Variants in XPNPEP3 observed in about 807,000 individuals in gnomAD.
The protein encoded by XPNPEP3 is X-prolyl aminopeptidase 3.
Under a neutral mutation model 60.0 loss-of-function variants are expected in XPNPEP3, and 41 were observed. The ratio of observed to expected loss-of-function variants is 0.68; its 90% CI spans 0.53 to 0.89. XPNPEP3 has a LOEUF of 0.89. Among genes scored for constraint, XPNPEP3 ranks in the 40% least tolerant of loss-of-function variants. The pLI is 0.00. For missense variants in XPNPEP3, 598 were observed against 638.9 expected (o/e 0.94, Z 0.69); for synonymous variants, 212 against 223.2 (o/e 0.95, Z 0.45).
At chr22:40,863,323 C>T (rs1311346897) in intron 1 of XPNPEP3, among the ~76,000 whole-genome samples, 1 of 152,146 alleles carries the variant, frequency 6.6e-6, no homozygotes, top group South Asian at 2.1e-4. Flanking sequence ...AGTCTAGACC[C>T]GAATTTAAAG....
rs71200626 is a variant in XPNPEP3, at chr22:40,898,225, A to ATTTTTTT, written c.793-9329_793-9323dup. Among the ~76,000 whole-genome samples the ATTTTTTT allele has an allele frequency of 1.5e-3, 44 of 28,784 alleles. 15 individuals carry two copies. The highest frequency in any genetic ancestry group is 5.4e-3 in the East Asian group (5 of 918). The allele number at this position is 28,784 out of a possible 152,430, so 18.9% of individuals were successfully genotyped here. On this transcript the variant is annotated intron_variant, in intron 4 of 9. Transcript: ENST00000357137. ...TGTTTTATGTTTAGGTCTTTGACCCATTTTTTTTTTTTTTTTTTTTTTTTT... is the reference window on the plus strand; with the variant it reads ...TGTTTTATGTTTAGGTCTTTGACCCATTTTTTTTTTTTTTTTTTTTTTTTTTTTTTTT...
At chr22:40,866,775 C>T (rs566706893) in intron 1 of XPNPEP3, among the ~76,000 whole-genome samples, 2 of 152,266 alleles carry the variant, frequency 1.3e-5, no homozygotes, top group East Asian at 3.9e-4. Flanking sequence ...TAAAAATTTA[C>T]TGGGAATAAA....
At chr22:40,862,627 T>C (rs761715952) in intron 1 of XPNPEP3, 3 of 985,498 alleles carry the variant, frequency 3.0e-6, no homozygotes, top group Non-Finnish European at 3.6e-6. Flanking sequence ...GGGGTGTCAA[T>C]GAAAGCCTCT....
intron 2 of XPNPEP3, among the ~76,000 whole-genome samples, chr22:40,873,342 A>G (rs1659970283): frequency 6.6e-6 from 1 of 151,166 alleles, no homozygotes; most frequent in African/African-American, 2.4e-5. Context: ...TGACCTTGTG[A>G]TCTGCCTGCC....
intron 4 of XPNPEP3, among the ~76,000 whole-genome samples, chr22:40,887,249 T>A (rs531792319): frequency 6.6e-6 from 1 of 152,140 alleles, no homozygotes; most frequent in Admixed American, 6.5e-5. Context: ...AGCCAATGGC[T>A]GTCTCAAAGC....
chr22:40,903,874 T>TCA (rs10560459), intron 4 of XPNPEP3, among the ~76,000 whole-genome samples: 4,543 of 145,984 alleles, frequency 0.031, 83 homozygotes, highest in Non-Finnish European at 0.035. Flanking sequence ...TCTCTCTCTG[T>TCA]CACACACACA....
chr22:40,927,096 G>A lies in XPNPEP3; in HGVS notation c.*661G>A, dbSNP rs866385677. 2.0e-5 allele frequency: 3 copies of A among 153,820 alleles called. No individual in the cohort carries two copies. The Middle Eastern group carries it at 0.01, about 523-fold the overall frequency. 9.5% of individuals were successfully genotyped at this position (153,820 alleles called of 1,614,324 possible). A position where few individuals can be genotyped will look rare whatever the true frequency, so the allele number is the denominator to read the frequency against. ...ACTTCTGAGCTTTTCTTGCCATTTGGTTGCCTGGGACCTGGAAAGTGTTTA... is the reference window on the plus strand; with the variant it reads ...ACTTCTGAGCTTTTCTTGCCATTTGATTGCCTGGGACCTGGAAAGTGTTTA... On this transcript the variant is annotated 3_prime_UTR_variant, in exon 10 of 10. Transcript: ENST00000357137.
intron 2 of XPNPEP3, among the ~76,000 whole-genome samples, chr22:40,876,749 C>T (rs2058028934): frequency 6.6e-6 from 1 of 152,188 alleles, no homozygotes; most frequent in Non-Finnish European, 1.5e-5. Flanking sequence ...GTGTATAATA[C>T]CTATGCCAAA....
At chr22:40,911,804 C>T (rs908853703) in intron 6 of XPNPEP3, among the ~76,000 whole-genome samples, 20 of 152,030 alleles carry the variant, frequency 1.3e-4, no homozygotes, top group African/African-American at 4.1e-4. Context: ...CCTCCCAAAG[C>T]GCTGGGATTA....
At chr22:40,891,417 A>G (rs201626163) in intron 4 of XPNPEP3, among the ~76,000 whole-genome samples, 1 of 151,514 alleles carries the variant, frequency 6.6e-6, no homozygotes, top group Non-Finnish European at 1.5e-5. Context: ...CACTTTGGGA[A>G]GCCGAGGCGG....
At chr22:40,881,230 G>A (rs1373015701) in intron 2 of XPNPEP3, among the ~76,000 whole-genome samples, 2 of 151,742 alleles carry the variant, frequency 1.3e-5, no homozygotes, top group African/African-American at 2.4e-5. Flanking sequence ...GTTTTTTTTA[G>A]TAGAGATGAG....
chr22:40,857,513 C>T (rs889075682), intron 1 of XPNPEP3, among the ~76,000 whole-genome samples: 19 of 152,262 alleles, frequency 1.2e-4, no homozygotes, highest in Non-Finnish European at 7.3e-5. Context: ...CCAAGTTACT[C>T]GGACTCCGAA....
chr22:40,874,746 C>T (rs944602200), intron 2 of XPNPEP3, among the ~76,000 whole-genome samples: 1 of 152,100 alleles, frequency 6.6e-6, no homozygotes, highest in Non-Finnish European at 1.5e-5. Context: ...TTTTGAAGAG[C>T]TCCCCGGGCG....
In XPNPEP3 at chr22:40,881,998, A is replaced by G; in HGVS notation, c.410A>G (p.Gln137Arg). The G allele has an allele frequency of 6.2e-7, 1 of 1,614,148 alleles. No homozygotes were observed. Among genetic ancestry groups the G allele is most frequent in the Non-Finnish European group, 8.5e-7 (1 of 1,180,022 alleles). The change falls in exon 3 of 10, where the codon CAG becomes CGG. Residue 137 changes from glutamine to arginine, a missense_variant. Gln to Arg is a conservative substitution (Grantham distance 43). Transcript: ENST00000357137. Reference protein sequence around the residue: ...FQEPDSILVLQSLPGKQLPSH... With the variant: ...FQEPDSILVLRSLPGKQLPSH... Reference sequence around the variant, plus strand: ...GAGCCTGATAGCATTCTTGTCCTTCAGAGCCTCCCTGGCAAACAATTACCA... The same window carrying G: ...GAGCCTGATAGCATTCTTGTCCTTCGGAGCCTCCCTGGCAAACAATTACCA...
chr22:40,878,427 G>T (rs935726853), intron 2 of XPNPEP3, among the ~76,000 whole-genome samples: 24 of 152,100 alleles, frequency 1.6e-4, no homozygotes, highest in African/African-American at 5.8e-4. Flanking sequence ...TGGTTTTTTT[G>T]ATCCTGCTTT....
chr22:40,923,649 C>T (rs144610780), intron 8 of XPNPEP3, among the ~76,000 whole-genome samples: 1,833 of 152,112 alleles, frequency 0.012, 36 homozygotes, highest in African/African-American at 0.042. Context: ...GTCAGGAGTT[C>T]GAGACCAACC....
chr22:40,858,608 T>G (rs1052408641), intron 1 of XPNPEP3, among the ~76,000 whole-genome samples: 4 of 142,738 alleles, frequency 2.8e-5, no homozygotes, highest in African/African-American at 1.0e-4. Flanking sequence ...CTTGCCTTAC[T>G]GCAACCTCCA....
At chr22:40,875,270 A>G (rs1220571191) in intron 2 of XPNPEP3, among the ~76,000 whole-genome samples, 1 of 152,074 alleles carries the variant, frequency 6.6e-6, no homozygotes, top group Admixed American at 6.6e-5. Flanking sequence ...CGACCTCCCA[A>G]GCGATCCTCC....
chr22:40,864,696 C>G (rs1482175980), intron 1 of XPNPEP3, among the ~76,000 whole-genome samples: 1 of 152,190 alleles, frequency 6.6e-6, no homozygotes, highest in Non-Finnish European at 1.5e-5. Flanking sequence ...CTGCCCGCCT[C>G]AGCCTCCCAA....
Sources: gnomAD v4.1 joint callset for allele counts (sites outside exome capture counted in the v4.1 genomes callset) on GRCh38, gnomAD v4.1.1 for gene constraint, MANE v1.5 for transcripts, NCBI Gene and HGNC (gene_info 2026-07-23, HGNC 2026-07-21) for gene names.